Variants in CYP46A1 observed in about 807,000 individuals in gnomAD.
The protein encoded by CYP46A1 is cholesterol 24-hydroxylase.
A neutral mutation model predicts 63.3 loss-of-function variants in CYP46A1; 20 were observed. That is an observed-to-expected ratio of 0.32 (90% CI 0.22 to 0.46). The LOEUF (loss-of-function observed/expected upper bound fraction) is 0.46, where lower values mean the gene tolerates loss of function less well. CYP46A1 is among the 20% of genes least tolerant of loss of function. CYP46A1 has a pLI of 1.00. For missense variants in CYP46A1, 445 were observed against 670.8 expected, an observed-to-expected ratio of 0.66 and a Z score of 3.72; for synonymous variants, 268 against 273.6, an observed-to-expected ratio of 0.98 and a Z score of 0.20.
At chr14:99,691,241 C>A in intron 2 of CYP46A1, 80 bp downstream of exon 2, 1 of 1,387,788 alleles carries the variant, frequency 7.2e-7, no homozygotes, top group Non-Finnish European at 1.0e-6. Context: ...AGCACACAGA[C>A]TCCCAGCCTC....
At chr14:99,706,826 A>G (rs1566830610) in intron 6 of CYP46A1, 41 bp downstream of exon 6, 1 of 1,605,282 alleles carries the variant, frequency 6.2e-7, no homozygotes, top group Non-Finnish European at 8.5e-7. Flanking sequence ...GGAGGGCCAC[A>G]TGGGGTAGAG....
Position 99,722,589 on chromosome 14 carries a change from A to C in CYP46A1, c.1176+523A>C. Among the ~76,000 whole-genome samples the C allele has an allele frequency of 6.7e-6, 1 of 148,894 alleles. No individual in the cohort carries two copies. Among genetic ancestry groups the C allele is most frequent in the African/African-American group, 2.5e-5 (1 of 40,368 alleles). On this transcript the variant is annotated intron_variant, in intron 12 of 14. Coordinates refer to ENST00000261835, the MANE Select transcript of CYP46A1 (RefSeq NM_006668.2). The surrounding 1 kb of genome is among the most constrained non-coding windows in gnomAD (Gnocchi z 4.6). ...CAAACCAGGAAACTAGGATATAGTC[A>C]CTCCCTGCTCCGCTGACAAGGAATC...
chr14:99,727,047 T>C lies in CYP46A1; in HGVS notation c.*320T>C, dbSNP rs1053537658. 4 of 321,796 alleles carry C rather than the reference T, an allele frequency of 1.2e-5. No homozygotes were observed. The highest frequency in any genetic ancestry group is 2.3e-5 in the Non-Finnish European group (4 of 176,038). The allele number at this position is 321,796 out of a possible 1,614,324, so 19.9% of individuals were successfully genotyped here. On this transcript the variant is annotated 3_prime_UTR_variant, in exon 15 of 15. Coordinates refer to ENST00000261835, the MANE Select transcript of CYP46A1 (RefSeq NM_006668.2). The stretch of plus-strand genomic sequence containing the variant: ...CACTCCCTAAAGCCCTCTTCAGGGG[T>C]CACCTCCTCCAAGAAGCCCTCCTTG...
At position 99,684,357 on chromosome 14, in the gene CYP46A1, G is replaced by C. The variant is rs1440039262; in HGVS notation, c.-61G>C. 2.2e-5 allele frequency: 24 copies of C among 1,073,626 alleles called. No homozygotes were observed. The highest frequency in any genetic ancestry group is 2.7e-5 in the Non-Finnish European group (23 of 845,390). The allele number at this position is 1,073,626 out of a possible 1,614,324, so 66.5% of individuals were successfully genotyped here. On this transcript the variant is annotated 5_prime_UTR_variant, in exon 1 of 15. Transcript: ENST00000261835. ...GGCGCTGACAGCTGAGTCGGCTCGC[G>C]GCCTCCCGGCCCCCTCGGCGCCCGG...
At chr14:99,687,956 G>A (rs1033206184) in intron 1 of CYP46A1, among the ~76,000 whole-genome samples, 2 of 147,152 alleles carry the variant, frequency 1.4e-5, no homozygotes, top group South Asian at 2.2e-4. Flanking sequence ...CCTCCCCAGC[G>A]CCCCCTGCAG....
chr14:99,714,863 G>GAA (rs769841687), intron 7 of CYP46A1, among the ~76,000 whole-genome samples: 2 of 152,130 alleles, frequency 1.3e-5, no homozygotes, highest in East Asian at 3.8e-4. Context: ...AGTCTGGATG[G>GAA]AACTGGAGAT....
At chr14:99,709,431 T>C (rs1029322569) in intron 7 of CYP46A1, 1 of 152,072 alleles carries the variant, frequency 6.6e-6, no homozygotes, top group African/African-American at 2.4e-5. Flanking sequence ...ACTTCAACAA[T>C]AGACTAGATT....
At chr14:99,688,750 T>G (rs1169451563) in intron 1 of CYP46A1, among the ~76,000 whole-genome samples, 1 of 152,074 alleles carries the variant, frequency 6.6e-6, no homozygotes, top group Non-Finnish European at 1.5e-5. Flanking sequence ...CTCCCTTTTC[T>G]CCCCTCTGGT....
intron 5 of CYP46A1, 107 bp downstream of exon 5, chr14:99,700,208 C>T: frequency 1.4e-6 from 1 of 717,434 alleles, no homozygotes; most frequent in Non-Finnish European, 2.2e-6. Context: ...AGGGGGCCTC[C>T]CTCAGCTGAA....
intron 5 of CYP46A1, chr14:99,703,631 G>A: frequency 1.0e-6 from 1 of 985,368 alleles, no homozygotes; most frequent in Non-Finnish European, 1.2e-6. Flanking sequence ...ACCCAGCTAA[G>A]ATGTCACCTA....
chr14:99,685,291 T>C, intron 1 of CYP46A1, among the ~76,000 whole-genome samples: 1 of 117,634 alleles, frequency 8.5e-6, no homozygotes, highest in Non-Finnish European at 1.8e-5. Context: ...CCCCAGCCTT[T>C]CTTCTCCCAG....
rs1267220002 is a variant in CYP46A1, at chr14:99,725,830, G to A, written c.1265+351G>A. Among the ~76,000 whole-genome samples, 4 of 152,296 alleles carry A rather than the reference G, an allele frequency of 2.6e-5. No individual in the cohort carries two copies. In the East Asian group the frequency reaches 5.8e-4, roughly 22 times the overall value. ...GTGGGGGTCAACGCGTTAAGGTACCGAAGCCATGGTGGGAAGAGCTGGACT... is the reference window on the plus strand; with the variant it reads ...GTGGGGGTCAACGCGTTAAGGTACCAAAGCCATGGTGGGAAGAGCTGGACT... On this transcript the variant is annotated intron_variant, in intron 13 of 14. Coordinates refer to ENST00000261835, the MANE Select transcript of CYP46A1 (RefSeq NM_006668.2). The surrounding 1 kb of genome is among the most constrained non-coding windows in gnomAD (Gnocchi z 4.2).
In CYP46A1 at chr14:99,722,373, T is replaced by G. The variant is rs186614309; in HGVS notation, c.1176+307T>G. ...GGTCACACAGCTGGTGAAAAGCAGA[T>G]ATGGAAATTGCCCAGTTTCACAGTT... On this transcript the variant is annotated intron_variant, in intron 12 of 14. Transcript: ENST00000261835. The surrounding 1 kb of genome is among the most constrained non-coding windows in gnomAD (Gnocchi z 4.6). Among the ~76,000 whole-genome samples the G allele has an allele frequency of 6.6e-6, 1 of 152,298 alleles. No individual in the cohort carries two copies. The highest frequency in any genetic ancestry group is 2.1e-4 in the South Asian group (1 of 4,830).
intron 7 of CYP46A1, chr14:99,712,067 A>G (rs562909924): frequency 2.6e-5 from 4 of 152,290 alleles, no homozygotes; most frequent in Admixed American, 2.0e-4. Flanking sequence ...CAGAAAAAGC[A>G]CTTGATAAAA....
intron 9 of CYP46A1, 133 bp downstream of exon 9, chr14:99,716,332 G>GCATCTC (rs2056790375): frequency 3.1e-5 from 27 of 873,948 alleles, no homozygotes; most frequent in Non-Finnish European, 4.6e-5. Flanking sequence ...AGGGGGCTGG[G>GCATCTC]CTGAAGGGAG....
In CYP46A1 at chr14:99,715,903, G is replaced by C; in HGVS notation, c.787G>C (p.Glu263Gln). The C allele has an allele frequency of 6.2e-7, 1 of 1,608,012 alleles. No individual in the cohort carries two copies. Among genetic ancestry groups the C allele is most frequent in the Non-Finnish European group, 8.5e-7 (1 of 1,176,720 alleles). Residue 263 changes from glutamate to glutamine, a missense_variant, in exon 8 of 15, where the codon GAA becomes CAA. Glu to Gln is a conservative substitution (Grantham distance 29). Coordinates refer to ENST00000261835, the MANE Select transcript of CYP46A1 (RefSeq NM_006668.2). ...VGRDWVQRRREALKRGEEVPA... is the reference protein window; with the variant it reads ...VGRDWVQRRRQALKRGEEVPA... ...CAGGGACTGGGTCCAGCGCCGCCGG[G>C]AAGCCCTGAAGAGGGGCGAGGAGGT... is the stretch of plus-strand genomic sequence containing the variant.
intron 7 of CYP46A1, among the ~76,000 whole-genome samples, chr14:99,715,108 A>G (rs2140133794): frequency 1.3e-5 from 2 of 152,356 alleles, no homozygotes; most frequent in African/African-American, 2.4e-5. Context: ...TATAGCTAAC[A>G]GCAAGGTATT....
chr14:99,726,761 A>G lies in CYP46A1; in HGVS notation c.*34A>G. 6.8e-7 allele frequency: 1 copy of G among 1,466,126 alleles called. No individual in the cohort carries two copies. The highest frequency in any genetic ancestry group is 1.4e-5 in the South Asian group (1 of 73,550). The allele number at this position is 1,466,126 out of a possible 1,614,324, so 90.8% of individuals were successfully genotyped here. On this transcript the variant is annotated 3_prime_UTR_variant, in exon 15 of 15. Coordinates refer to ENST00000261835, the MANE Select transcript of CYP46A1 (RefSeq NM_006668.2). ...CCAGGCAGGACGAGACTCCTCGGGC[A>G]AGGGCCGTGCCCGCCCACCTCTGCT... is the stretch of plus-strand genomic sequence containing the variant.
At chr14:99,720,622 C>A (rs185995548) in intron 10 of CYP46A1, among the ~76,000 whole-genome samples, 10 of 152,106 alleles carry the variant, frequency 6.6e-5, no homozygotes, top group South Asian at 2.1e-4. Context: ...CCACTCCCGG[C>A]GAATTTTTGT....
Sources: allele counts gnomAD v4.1 joint callset (sites outside exome capture counted in the v4.1 genomes callset), GRCh38; gene constraint gnomAD v4.1.1; non-coding constraint Gnocchi (gnomAD v3.1); transcripts MANE v1.5; gene names NCBI Gene and HGNC (gene_info 2026-07-23, HGNC 2026-07-21).